ZNF385B: variants seen among roughly 807,000 people sequenced by gnomAD.
The protein encoded by ZNF385B is zinc finger protein 533.
ZNF385B carries 23 observed loss-of-function variants against 39.2 expected under a neutral mutation model. The observed-to-expected ratio is 0.59, with a 90% confidence interval of 0.42 to 0.83. The LOEUF (loss-of-function observed/expected upper bound fraction) is 0.83. ZNF385B is among the 40% of genes least tolerant of loss of function. ZNF385B has a pLI of 0.00. For synonymous variants in ZNF385B, 205 were observed against 222.6 expected, an observed-to-expected ratio of 0.92 and a Z score of 0.70; for missense variants, 552 against 598.9, an observed-to-expected ratio of 0.92 and a Z score of 0.82.
At chr2:179,710,114 A>G (rs1699897510) in intron 3 of ZNF385B, among the ~76,000 whole-genome samples, 1 of 152,146 alleles carries the variant, frequency 6.6e-6, no homozygotes, top group African/African-American at 2.4e-5. Context: ...ACTCCGGAGA[A>G]GATGTGTTCT....
chr2:179,692,447 T>C (rs1007109193), intron 3 of ZNF385B, among the ~76,000 whole-genome samples: 6 of 152,168 alleles, frequency 3.9e-5, no homozygotes, highest in African/African-American at 7.2e-5. Context: ...TCATTACTGC[T>C]CCAAATCCCC....
intron 1 of ZNF385B, among the ~76,000 whole-genome samples, chr2:179,819,963 A>T (rs190780874): frequency 4.4e-4 from 67 of 152,264 alleles, no homozygotes; most frequent in Admixed American, 1.8e-3. Flanking sequence ...AGCACATTTT[A>T]AAAAAATGTC....
At chr2:179,818,964 G>C (rs1234517873) in intron 1 of ZNF385B, among the ~76,000 whole-genome samples, 2 of 151,130 alleles carry the variant, frequency 1.3e-5, no homozygotes, top group East Asian at 3.9e-4. Context: ...TTGGAATTCG[G>C]CTATTATTTT....
intron 3 of ZNF385B, among the ~76,000 whole-genome samples, chr2:179,593,811 G>A (rs1687772229): frequency 6.6e-6 from 1 of 152,164 alleles, no homozygotes; most frequent in Non-Finnish European, 1.5e-5. Context: ...GAGAATGAAA[G>A]GGGATGCTTA....
At chr2:179,562,411 G>T in intron 3 of ZNF385B, 1 of 985,324 alleles carries the variant, frequency 1.0e-6, no homozygotes, top group Non-Finnish European at 1.2e-6. Flanking sequence ...TTGTTTTTAA[G>T]GTTACAGTCC....
Position 179,443,211 on chromosome 2 carries a change from A to G in ZNF385B, c.*39T>C. 2.5e-6 allele frequency: 4 copies of G among 1,609,774 alleles called. No individual in the cohort carries two copies. The highest frequency in any genetic ancestry group is 3.4e-6 in the Non-Finnish European group (4 of 1,178,098). The stretch of plus-strand genomic sequence containing the variant: ...TGAATCCTTGTGGCTTTCTTTCTCA[A>G]CTTCCTACTGGCCTCAAACGTCTTG... On this transcript the variant is annotated 3_prime_UTR_variant, in exon 10 of 10. Transcript: ENST00000410066.
chr2:179,492,269 A>C lies in ZNF385B; in HGVS notation c.553-8835T>G, dbSNP rs564828954. The stretch of plus-strand genomic sequence containing the variant: ...AGTACTGCTATCTTTCAGTGGGAAA[A>C]CAGACTGCCATTGTGTGCTTCATAA... On this transcript the variant is annotated intron_variant, in intron 5 of 9. Transcript: ENST00000410066. 4.6e-5 allele frequency among the ~76,000 whole-genome samples: 7 copies of C among 152,276 alleles called. No homozygotes were observed. The South Asian group carries it at 1.2e-3, about 27-fold the overall frequency.
At chr2:179,524,104 A>T (rs2058701604) in intron 4 of ZNF385B, among the ~76,000 whole-genome samples, 1 of 152,030 alleles carries the variant, frequency 6.6e-6, no homozygotes, top group Admixed American at 6.6e-5. Context: ...AGCCCATACT[A>T]TTTGTAAAGA....
At chr2:179,799,107 T>C (rs1040320533) in intron 1 of ZNF385B, among the ~76,000 whole-genome samples, 1 of 152,092 alleles carries the variant, frequency 6.6e-6, no homozygotes, top group African/African-American at 2.4e-5. Flanking sequence ...TTTTACTCAA[T>C]AGTTCCTGCA....
chr2:179,529,548 G>GA (rs562054922), intron 4 of ZNF385B, among the ~76,000 whole-genome samples: 55 of 151,934 alleles, frequency 3.6e-4, no homozygotes, highest in African/African-American at 1.2e-3. Context: ...ATGCCCTTTT[G>GA]AAAAAAATAT....
intron 4 of ZNF385B, among the ~76,000 whole-genome samples, chr2:179,519,190 G>A (rs112851706): frequency 0.01 from 1,571 of 152,254 alleles, 31 homozygotes; most frequent in African/African-American, 0.036. Flanking sequence ...CAATACTTAA[G>A]ATGGCCTCAA....
chr2:179,442,733 G>A lies in ZNF385B; in HGVS notation c.*517C>T. 5.1e-6 allele frequency: 1 copy of A among 196,654 alleles called. No individual in the cohort carries two copies. The highest frequency in any genetic ancestry group is 9.1e-5 in the South Asian group (1 of 11,000). The allele number at this position is 196,654 out of a possible 1,614,324, so 12.2% of individuals were successfully genotyped here. A position where few individuals can be genotyped will look rare whatever the true frequency, so the allele number is the denominator to read the frequency against. ...TGTCAACAACAGTACACCAAAAAGA[G>A]AACTTTGTGATCCGTTGGTAAGATA... On this transcript the variant is annotated 3_prime_UTR_variant, in exon 10 of 10. Coordinates refer to ENST00000410066, the MANE Select transcript of ZNF385B (RefSeq NM_152520.6).
intron 5 of ZNF385B, 89 bp from the exon 6 acceptor site, chr2:179,483,523 T>C (rs1574375126): frequency 7.2e-6 from 11 of 1,533,102 alleles, no homozygotes; most frequent in East Asian, 4.5e-5. Context: ...CATTCTATCA[T>C]AGGCACCACA....
chr2:179,464,744 A>G (rs1225168571), intron 6 of ZNF385B, among the ~76,000 whole-genome samples: 1 of 152,148 alleles, frequency 6.6e-6, no homozygotes, highest in African/African-American at 2.4e-5. Context: ...CGTTTTGGTT[A>G]CTGTAGCCTT....
At chr2:179,733,299 A>G (rs1575377086) in intron 3 of ZNF385B, among the ~76,000 whole-genome samples, 2 of 152,148 alleles carry the variant, frequency 1.3e-5, no homozygotes, top group African/African-American at 4.8e-5. Flanking sequence ...CTTCTCCTCT[A>G]TATCTTTTCC....
chr2:179,598,476 A>G (rs2106095337), intron 3 of ZNF385B, among the ~76,000 whole-genome samples: 1 of 152,298 alleles, frequency 6.6e-6, no homozygotes, highest in African/African-American at 2.4e-5. Context: ...TTTAGTCTTA[A>G]GTGTTCAAAG....
intron 1 of ZNF385B, among the ~76,000 whole-genome samples, chr2:179,838,107 A>T (rs915040656): frequency 2.0e-5 from 3 of 152,130 alleles, no homozygotes; most frequent in African/African-American, 7.2e-5. Flanking sequence ...AAAGTCTTTC[A>T]CTCTGGAATA....
chr2:179,661,657 T>C (rs1469079095), intron 3 of ZNF385B, among the ~76,000 whole-genome samples: 1 of 152,258 alleles, frequency 6.6e-6, no homozygotes. Context: ...ATATCCATTA[T>C]AAATTGTTTT....
intron 5 of ZNF385B, among the ~76,000 whole-genome samples, chr2:179,486,767 T>G (rs933740858): frequency 6.6e-6 from 1 of 151,968 alleles, no homozygotes; most frequent in Non-Finnish European, 1.5e-5. Flanking sequence ...TTCAAAAAAA[T>G]TAGCTGAACA....
Sources: allele counts gnomAD v4.1 joint callset (sites outside exome capture counted in the v4.1 genomes callset), GRCh38; gene constraint gnomAD v4.1.1; transcripts MANE v1.5; gene names NCBI Gene and HGNC (gene_info 2026-07-23, HGNC 2026-07-21).